Variants in DHX57 observed in about 807,000 individuals in gnomAD.
The protein encoded by DHX57 is putative ATP-dependent RNA helicase DHX57.
Under a neutral mutation model 156.2 loss-of-function variants are expected in DHX57, and 105 were observed. That is an observed-to-expected ratio of 0.67 (90% CI 0.57 to 0.79). DHX57 has a LOEUF of 0.79. DHX57 is among the 30% of genes least tolerant of loss of function. The pLI is 0.00. For missense variants in DHX57, 1,847 were observed against 1,661.9 expected (o/e 1.11, Z -1.94); for synonymous variants, 704 against 595.6 (o/e 1.18, Z -2.65).
intron 1 of DHX57, among the ~76,000 whole-genome samples, chr2:38,872,481 G>A (rs372071245): frequency 2.0e-5 from 3 of 152,290 alleles, no homozygotes; most frequent in Non-Finnish European, 1.5e-5. Flanking sequence ...TATTCTGTCT[G>A]CAGGAGAGGC....
At chr2:38,841,351 C>G (rs193213130) in intron 12 of DHX57, among the ~76,000 whole-genome samples, 3 of 152,290 alleles carry the variant, frequency 2.0e-5, no homozygotes, top group Admixed American at 2.0e-4. Context: ...AAAGAACTTG[C>G]TCAAGATCAT....
At chr2:38,803,392 T>TC (rs763795737) in intron 22 of DHX57, among the ~76,000 whole-genome samples, 2 of 150,672 alleles carry the variant, frequency 1.3e-5, no homozygotes, top group African/African-American at 4.9e-5. Flanking sequence ...ACTATTTTTT[T>TC]CCCCTCACAC....
chr2:38,804,618 C>A (rs1217098049), intron 22 of DHX57, among the ~76,000 whole-genome samples: 1 of 152,060 alleles, frequency 6.6e-6, no homozygotes, highest in Non-Finnish European at 1.5e-5. Context: ...TCCACCCAGC[C>A]CTACCCCACC....
At chr2:38,841,548 G>T (rs780870699) in intron 12 of DHX57, among the ~76,000 whole-genome samples, 11 of 152,194 alleles carry the variant, frequency 7.2e-5, no homozygotes, top group Non-Finnish European at 1.6e-4. Flanking sequence ...CCACATCCAG[G>T]ATTGGGAACT....
chr2:38,861,831 A>G lies in DHX57; in HGVS notation c.579T>C (p.Gly193=), dbSNP rs142634266. The G allele has an allele frequency of 1.4e-5, 23 of 1,592,310 alleles. No homozygotes were observed. The highest frequency in any genetic ancestry group is 1.7e-4 in the Middle Eastern group (1 of 5,924). The change falls in exon 5 of 24, where the codon GGT becomes GGC. Residue 193 remains glycine (G), a synonymous_variant. Coordinates refer to ENST00000457308, the MANE Select transcript of DHX57 (RefSeq NM_198963.3). ...PFAVQKLSRY[G]FNTERCQAVL... ...CCGCTTGACAGCGTTCAGTATTGAA[A>G]CCATACCTGTCAAGGGCAAAACATG...
At chr2:38,859,356 G>T (rs1402477918) in intron 5 of DHX57, among the ~76,000 whole-genome samples, 3 of 152,140 alleles carry the variant, frequency 2.0e-5, no homozygotes, top group Non-Finnish European at 2.9e-5. Context: ...GCAGATTTGT[G>T]GTTATGAGGG....
At chr2:38,827,235 A>G (rs1338302307) in intron 14 of DHX57, among the ~76,000 whole-genome samples, 1 of 151,974 alleles carries the variant, frequency 6.6e-6, no homozygotes, top group Non-Finnish European at 1.5e-5. Context: ...CCAACTTGGG[A>G]AAAATGTTGG....
intron 23 of DHX57, among the ~76,000 whole-genome samples, chr2:38,800,330 G>C (rs1288085266): frequency 1.3e-5 from 2 of 151,982 alleles, no homozygotes; most frequent in Non-Finnish European, 2.9e-5. Context: ...CTCCAGCCTG[G>C]GTGACAGAGC....
At chr2:38,875,259 A>G (rs965466854) in intron 1 of DHX57, among the ~76,000 whole-genome samples, 1 of 152,200 alleles carries the variant, frequency 6.6e-6, no homozygotes, top group African/African-American at 2.4e-5. Context: ...CACCATGGAT[A>G]CAGGGACCTA....
chr2:38,861,876 A>G (rs1673244084), intron 4 of DHX57, 39 bp from the exon 5 acceptor site: 1 of 1,537,404 alleles, frequency 6.5e-7, no homozygotes, highest in African/African-American at 1.4e-5. Flanking sequence ...ACACATAAAA[A>G]GCAGTATCAC....
In DHX57 at chr2:38,827,163, G is replaced by A. The variant is rs200423675; in HGVS notation, c.2640-474C>T. On this transcript the variant is annotated intron_variant, in intron 14 of 23. Coordinates refer to ENST00000457308, the MANE Select transcript of DHX57 (RefSeq NM_198963.3). The stretch of plus-strand genomic sequence containing the variant: ...TAAAATAAAATAAAATAAAATAAAA[G>A]GTAAAGTCCTTTCTGATTTTTACAA... 1.8e-5 allele frequency among the ~76,000 whole-genome samples: 2 copies of A among 112,620 alleles called. 1 individual carries two copies. The highest frequency in any genetic ancestry group is 4.1e-5 in the Non-Finnish European group (2 of 49,098). The allele number at this position is 112,620 out of a possible 152,430, so 73.9% of individuals were successfully genotyped here. A position where few individuals can be genotyped will look rare whatever the true frequency, so the allele number is the denominator to read the frequency against.
At chr2:38,854,621 G>T in intron 8 of DHX57, 1 of 164,894 alleles carries the variant, frequency 6.1e-6, no homozygotes, top group Admixed American at 6.1e-5. Flanking sequence ...GAGTGCAATG[G>T]CGCAATCTCG....
At chr2:38,856,662 C>A (rs1393687047) in intron 6 of DHX57, 2 of 525,994 alleles carry the variant, frequency 3.8e-6, no homozygotes, top group Non-Finnish European at 6.0e-6. Context: ...TGCCACTATA[C>A]CCGGCTTTTT....
At chr2:38,811,109 C>T (rs1670223457) in intron 21 of DHX57, 5 of 556,564 alleles carry the variant, frequency 9.0e-6, no homozygotes, top group South Asian at 8.3e-5. Flanking sequence ...AGCCTCGTGG[C>T]TGATGTGCAT....
chr2:38,871,991 A>C lies in DHX57; in HGVS notation c.-6-3580T>G, dbSNP rs532529265. On this transcript the variant is annotated intron_variant, in intron 1 of 23. Transcript: ENST00000457308. Reference sequence around the variant, plus strand: ...CCAAAGTGCTGGGATTACAGGCGTGAGCCACCGCGCCCGGCCTAATAACTC... The same window carrying C: ...CCAAAGTGCTGGGATTACAGGCGTGCGCCACCGCGCCCGGCCTAATAACTC... Among the ~76,000 whole-genome samples the C allele has an allele frequency of 7.9e-5, 12 of 152,244 alleles. No homozygotes were observed. In the East Asian group the frequency reaches 2.1e-3, roughly 27 times the overall value.
intron 12 of DHX57, among the ~76,000 whole-genome samples, chr2:38,840,452 C>A (rs961410812): frequency 9.9e-5 from 15 of 151,172 alleles, no homozygotes; most frequent in Non-Finnish European, 7.4e-5. Flanking sequence ...GCAATCTGGG[C>A]TCACTGTAGC....
At position 38,825,897 on chromosome 2, in the gene DHX57, T is replaced by G. The variant is rs756968066; in HGVS notation, c.2964A>C (p.Lys988Asn). The G allele has an allele frequency of 6.2e-7, 1 of 1,614,166 alleles. No homozygotes were observed. Among genetic ancestry groups the G allele is most frequent in the South Asian group, 1.1e-5 (1 of 91,082 alleles). Residue 988 changes from lysine (K) to asparagine (N), a missense_variant, in exon 16 of 24, where the codon AAA becomes AAC. Physicochemically the swap from Lys to Asn is moderately conservative, Grantham distance 94. Coordinates refer to ENST00000457308, the MANE Select transcript of DHX57 (RefSeq NM_198963.3). ...CTCTTTGTATTTCTGGTAGCTGTTG[T>G]TTTAAAAGCTGGTGATTGTAGTGAT... ...TSHHYNHQLL[K>N]QQLPEIQRVP...
chr2:38,802,444 T>A (rs1044680697), intron 23 of DHX57, among the ~76,000 whole-genome samples: 1 of 152,046 alleles, frequency 6.6e-6, no homozygotes. Context: ...CCCACCAACA[T>A]GCCCAGCTAA....
chr2:38,846,919 C>G lies in DHX57; in HGVS notation c.2219+100G>C, dbSNP rs1179966158. The G allele has an allele frequency of 3.1e-6, 3 of 963,276 alleles. No homozygotes were observed. The African/African-American group carries it at 5.0e-5, about 16-fold the overall frequency. The allele number at this position is 963,276 out of a possible 1,614,324, so 59.7% of individuals were successfully genotyped here. ...GCCCAAGCTGGTCTTGAACTGGCCC[C>G]AAAAGATCCTCCCACCTTTGCCTTC... is the stretch of plus-strand genomic sequence containing the variant. On this transcript the variant is annotated intron_variant, in intron 11 of 23. Coordinates refer to ENST00000457308, the MANE Select transcript of DHX57 (RefSeq NM_198963.3).
Sources: allele counts gnomAD v4.1 joint callset (sites outside exome capture counted in the v4.1 genomes callset), GRCh38; gene constraint gnomAD v4.1.1; transcripts MANE v1.5; gene names NCBI Gene and HGNC (gene_info 2026-07-23, HGNC 2026-07-21).